The following PLD1 variants were observed in gnomAD, a reference collection of about 807,000 sequenced individuals.
PLD1 encodes the protein choline phosphatase 1.
PLD1 carries 112 observed loss-of-function variants against 137.1 expected under a neutral mutation model. The ratio of observed to expected loss-of-function variants is 0.82; its 90% CI spans 0.70 to 0.96. The LOEUF (loss-of-function observed/expected upper bound fraction) is 0.96, where lower values mean the gene tolerates loss of function less well. Ranked by LOEUF, PLD1 falls within the 40% of genes least tolerant of loss-of-function variation. PLD1 has a pLI of 0.00. For synonymous variants in PLD1, 431 were observed against 454.7 expected (o/e 0.95, Z 0.66); for missense variants, 1,321 against 1,342.0 (o/e 0.98, Z 0.24).
chr3:171,773,780 G>C (rs563758949), intron 1 of PLD1, among the ~76,000 whole-genome samples: 1 of 151,370 alleles, frequency 6.6e-6, no homozygotes, highest in East Asian at 2.0e-4. Context: ...ACGGAGTCTC[G>C]CTCTGTCACC....
intron 1 of PLD1, among the ~76,000 whole-genome samples, chr3:171,791,151 T>C (rs1394252519): frequency 6.6e-6 from 1 of 152,208 alleles, no homozygotes; most frequent in East Asian, 1.9e-4. Context: ...GCCACAAACT[T>C]TAATTCCCAT....
At chr3:171,742,330 A>G (rs376941441) in intron 1 of PLD1, among the ~76,000 whole-genome samples, 7 of 152,160 alleles carry the variant, frequency 4.6e-5, no homozygotes, top group African/African-American at 1.7e-4. Context: ...AGCTCAAGTG[A>G]CCTGCCTGCC....
At chr3:171,654,138 C>A in intron 21 of PLD1, 1 of 356,164 alleles carries the variant, frequency 2.8e-6, no homozygotes, top group Non-Finnish European at 5.6e-6. Flanking sequence ...CCGTCTCCAC[C>A]AAAAATACAA....
chr3:171,755,744 G>A (rs184522415), intron 1 of PLD1, among the ~76,000 whole-genome samples: 14 of 152,262 alleles, frequency 9.2e-5, no homozygotes. Context: ...GGCCATCTCT[G>A]TATTGCCCAT....
chr3:171,662,005 C>T, intron 20 of PLD1, 55 bp downstream of exon 20: 1 of 959,048 alleles, frequency 1.0e-6, no homozygotes, highest in Non-Finnish European at 1.7e-6. Context: ...GAAATCTCTG[C>T]ATGATATTTA....
intron 1 of PLD1, among the ~76,000 whole-genome samples, chr3:171,770,981 T>C (rs921135368): frequency 6.6e-6 from 1 of 151,326 alleles, no homozygotes; most frequent in Admixed American, 6.6e-5. Context: ...GATACTAATA[T>C]GTCATTTCCA....
chr3:171,607,340 G>T (rs577495930), intron 25 of PLD1, among the ~76,000 whole-genome samples: 2 of 152,270 alleles, frequency 1.3e-5, no homozygotes, highest in South Asian at 4.1e-4. Context: ...ATTTGGGCCA[G>T]ATTTAAGAAG....
intron 25 of PLD1, among the ~76,000 whole-genome samples, chr3:171,607,826 C>A (rs1732323001): frequency 6.6e-6 from 1 of 152,100 alleles, no homozygotes. Flanking sequence ...TTGAACTGTT[C>A]AGCTTATAGC....
Position 171,620,461 on chromosome 3 carries a change from C to A in PLD1, c.2653G>T (p.Glu885Ter). The A allele has an allele frequency of 1.9e-6, 3 of 1,597,688 alleles. No individual in the cohort carries two copies. Among genetic ancestry groups the A allele is most frequent in the Non-Finnish European group, 2.6e-6 (3 of 1,167,090 alleles). Residue 885 changes from glutamate to a stop codon, truncating the protein, a stop_gained, in exon 24 of 27, where the codon GAA becomes TAA. Coordinates refer to ENST00000351298, the MANE Select transcript of PLD1 (RefSeq NM_002662.5). LOFTEE classifies it high-confidence loss of function. ...FCGLRTHAELEGNLVTELIYV... is the reference protein window; with the variant it reads ...FCGLRTHAEL ...ATAAGCTCAGTTACTAGGTTTCCTT[C>A]GAGCTCTGCATGTGTTCTAAGACCA...
At position 171,710,872 on chromosome 3, in the gene PLD1, CT is replaced by C. The variant is rs774704143; in HGVS notation, c.912-1164del. ...TTTCACTAATCATAGGAAAACTGTTCTTTTTTTTTTTTTTTTTTTGAGACGG... is the reference window on the plus strand; with the variant it reads ...TTTCACTAATCATAGGAAAACTGTTCTTTTTTTTTTTTTTTTTTGAGACGG... On this transcript the variant is annotated intron_variant, in intron 9 of 26. Transcript: ENST00000351298. Among the ~76,000 whole-genome samples, 537 of 98,554 alleles carry C rather than the reference CT, an allele frequency of 5.4e-3. 7 individuals are homozygous for C. Among genetic ancestry groups the C allele is most frequent in the East Asian group, 0.027 (101 of 3,716 alleles). 64.7% of individuals were successfully genotyped at this position (98,554 alleles called of 152,430 possible). A position where few individuals can be genotyped will look rare whatever the true frequency, so the allele number is the denominator to read the frequency against.
intron 21 of PLD1, 26 bp from the exon 22 acceptor site, chr3:171,645,049 T>G: frequency 2.1e-6 from 3 of 1,447,656 alleles, no homozygotes; most frequent in African/African-American, 1.4e-5. Context: ...GCAGAGAAAT[T>G]CACCCAAAAA....
intron 21 of PLD1, among the ~76,000 whole-genome samples, chr3:171,647,630 G>A (rs1274806569): frequency 2.6e-5 from 4 of 151,924 alleles, no homozygotes; most frequent in Non-Finnish European, 1.5e-5. Flanking sequence ...TGTACTTTTA[G>A]TAGAGACGGG....
chr3:171,797,061 C>T (rs1364475618), intron 1 of PLD1, among the ~76,000 whole-genome samples: 1 of 152,150 alleles, frequency 6.6e-6, no homozygotes, highest in East Asian at 1.9e-4. Flanking sequence ...TTAATTCCAC[C>T]TGTTCATGGT....
chr3:171,770,751 C>T (rs1167968180), intron 1 of PLD1, among the ~76,000 whole-genome samples: 5 of 151,260 alleles, frequency 3.3e-5, no homozygotes, highest in African/African-American at 1.2e-4. Context: ...TAGCTGGGTG[C>T]GGTGGCATGC....
At chr3:171,796,227 A>G (rs1183753794) in intron 1 of PLD1, among the ~76,000 whole-genome samples, 1 of 152,250 alleles carries the variant, frequency 6.6e-6, no homozygotes, top group Non-Finnish European at 1.5e-5. Context: ...GGAAAGACAG[A>G]GTTGTGTATA....
intron 23 of PLD1, among the ~76,000 whole-genome samples, chr3:171,627,110 A>T: frequency 6.6e-6 from 1 of 152,164 alleles, no homozygotes; most frequent in Non-Finnish European, 1.5e-5. Context: ...TATTCAGGAA[A>T]CCCATCTCAC....
At chr3:171,713,868 T>C (rs1352739790) in intron 9 of PLD1, 25 bp downstream of exon 9, 13 of 1,582,542 alleles carry the variant, frequency 8.2e-6, no homozygotes, top group South Asian at 1.2e-5. Flanking sequence ...TGTAGAAATC[T>C]TTTTTAAATA....
In PLD1 at chr3:171,699,744, C is replaced by T; in HGVS notation, c.1227+1G>A. On this transcript the variant is annotated splice_donor_variant, in intron 12 of 26. Coordinates refer to ENST00000351298, the MANE Select transcript of PLD1 (RefSeq NM_002662.5). LOFTEE classifies it high-confidence loss of function. The stretch of plus-strand genomic sequence containing the variant: ...TCAGCATTTTCTGGGAAAGTACATA[C>T]TGCTTTTCGTTTAAGAATGCAGTCC... The T allele has an allele frequency of 6.2e-7, 1 of 1,607,272 alleles. No individual in the cohort carries two copies. Among genetic ancestry groups the T allele is most frequent in the Non-Finnish European group, 8.5e-7 (1 of 1,174,002 alleles).
Position 171,688,859 on chromosome 3 carries a change from A to G in PLD1, c.1356T>C (p.Asp452=). 1 of 1,613,570 alleles carries G rather than the reference A, an allele frequency of 6.2e-7. No homozygotes were observed. The highest frequency in any genetic ancestry group is 8.5e-7 in the Non-Finnish European group (1 of 1,179,490). Reference sequence around the variant, plus strand: ...ACAAATAGACGGTGGATGACACATGATCCGGGTGTCTCATCACCTTGAGAG... The same window carrying G: ...ACAAATAGACGGTGGATGACACATGGTCCGGGTGTCTCATCACCTTGAGAG... ...HPNIKVMRHP[D]HVSSTVYLWA... The change falls in exon 14 of 27, where the codon GAT becomes GAC. Residue 452 remains aspartate, a synonymous_variant. Transcript: ENST00000351298.
Sources: gnomAD v4.1 joint callset for allele counts (sites outside exome capture counted in the v4.1 genomes callset) on GRCh38, gnomAD v4.1.1 for gene constraint, MANE v1.5 for transcripts, NCBI Gene and HGNC (gene_info 2026-07-23, HGNC 2026-07-21) for gene names.